The following SGPL1 variants were observed in gnomAD, a reference collection of about 807,000 sequenced individuals.
SGPL1 encodes the protein SP-lyase 1.
A neutral mutation model predicts 68.9 loss-of-function variants in SGPL1; 37 were observed. That is an observed-to-expected ratio of 0.54 (90% CI 0.41 to 0.71). SGPL1 has a LOEUF of 0.71. SGPL1 is among the 30% of genes least tolerant of loss of function. The probability of loss-of-function intolerance (pLI) is 0.00; values close to 1 mark genes in which losing one functional copy is unlikely to be tolerated. For missense variants in SGPL1, 551 were observed against 704.6 expected (o/e 0.78, Z 2.47); for synonymous variants, 236 against 248.5 (o/e 0.95, Z 0.47).
chr10:70,874,934 TTAGA>T (rs1047280117), intron 12 of SGPL1, among the ~76,000 whole-genome samples: 60 of 152,148 alleles, frequency 3.9e-4, no homozygotes, highest in African/African-American at 1.2e-3. Flanking sequence ...TAAATAAAAA[TTAGA>T]TATATATAAA....
chr10:70,870,936 G>T (rs991391083), intron 9 of SGPL1, 112 bp from the exon 10 acceptor site: 3 of 771,222 alleles, frequency 3.9e-6, no homozygotes, highest in South Asian at 3.1e-5. Flanking sequence ...TGAAGGAGGG[G>T]GTACTGGTGG....
At position 70,878,214 on chromosome 10, in the gene SGPL1, C is replaced by G. The variant is rs1419165403; in HGVS notation, c.*879C>G. ...TTTTCCAGGGCACAGATCGACCAAG[C>G]TGCCGTTCCCTATTCTGCAGGACAG... On this transcript the variant is annotated 3_prime_UTR_variant, in exon 15 of 15. Transcript: ENST00000373202. The G allele has an allele frequency of 6.6e-6, 1 of 152,330 alleles. No individual in the cohort carries two copies. Among genetic ancestry groups the G allele is most frequent in the Non-Finnish European group, 1.5e-5 (1 of 68,136 alleles). The allele number at this position is 152,330 out of a possible 1,614,324, so 9.4% of individuals were successfully genotyped here.
rs1052687046 is a variant in SGPL1 at position 70,876,474 on chromosome 10, G to A, written c.1446-67G>A. On this transcript the variant is annotated intron_variant, in intron 13 of 14. Coordinates refer to ENST00000373202, the MANE Select transcript of SGPL1 (RefSeq NM_003901.4). ...GCAACCAGGAAATTCCCGTATTTGG[G>A]GCTGCATCATTTTAGAACATTTTTT... 9.1e-6 allele frequency: 13 copies of A among 1,426,316 alleles called. No individual in the cohort carries two copies. In the African/African-American group the frequency reaches 1.6e-4, roughly 17 times the overall value. 88.4% of individuals were successfully genotyped at this position (1,426,316 alleles called of 1,614,324 possible).
intron 4 of SGPL1, 66 bp from the exon 5 acceptor site, chr10:70,854,642 A>C (rs1845933863): frequency 7.0e-7 from 1 of 1,431,048 alleles, no homozygotes; most frequent in Non-Finnish European, 9.5e-7. Flanking sequence ...CTTGACTGTC[A>C]TAATAATTCT....
chr10:70,861,606 C>T (rs771430107), intron 7 of SGPL1, among the ~76,000 whole-genome samples: 43 of 152,328 alleles, frequency 2.8e-4, no homozygotes, highest in Non-Finnish European at 4.4e-4. Flanking sequence ...TGGCCAAGGT[C>T]GGAGCCGGCT....
At chr10:70,851,943 TTG>T (rs1845888719) in intron 4 of SGPL1, among the ~76,000 whole-genome samples, 1 of 152,218 alleles carries the variant, frequency 6.6e-6, no homozygotes, top group African/African-American at 2.4e-5. Flanking sequence ...ATTTTCTGTA[TTG>T]TAGTATGTCC....
chr10:70,851,265 C>G lies in SGPL1; in HGVS notation c.261+55C>G, dbSNP rs981796429. The G allele has an allele frequency of 2.2e-6, 3 of 1,380,808 alleles. No individual in the cohort carries two copies. The African/African-American group carries it at 4.3e-5, about 20-fold the overall frequency. 85.5% of individuals were successfully genotyped at this position (1,380,808 alleles called of 1,614,324 possible). A position where few individuals can be genotyped will look rare whatever the true frequency, so the allele number is the denominator to read the frequency against. ...CCCCTCTTGATAATCATACCTCTTTCTTTCTATTTACTAAACCTAATATTC... is the reference window on the plus strand; with the variant it reads ...CCCCTCTTGATAATCATACCTCTTTGTTTCTATTTACTAAACCTAATATTC... On this transcript the variant is annotated intron_variant, in intron 4 of 14. Transcript: ENST00000373202.
intron 6 of SGPL1, among the ~76,000 whole-genome samples, chr10:70,858,523 T>C (rs750763386): frequency 6.6e-6 from 1 of 152,190 alleles, no homozygotes; most frequent in Non-Finnish European, 1.5e-5. Context: ...TTGATTATTA[T>C]AAATATGAAA....
chr10:70,873,653 A>T, intron 12 of SGPL1, 64 bp downstream of exon 12: 3 of 1,223,450 alleles, frequency 2.5e-6, no homozygotes, highest in Non-Finnish European at 3.6e-6. Flanking sequence ...GGCTCAAGGC[A>T]CCTGCCTGGC....
chr10:70,836,681 TC>T (rs1423919133), intron 2 of SGPL1, among the ~76,000 whole-genome samples: 1 of 152,168 alleles, frequency 6.6e-6, no homozygotes, highest in Non-Finnish European at 1.5e-5. Flanking sequence ...GCTCAAGTGA[TC>T]CTCCTACCTT....
intron 2 of SGPL1, among the ~76,000 whole-genome samples, chr10:70,827,400 G>A (rs1406632049): frequency 1.3e-5 from 2 of 152,072 alleles, no homozygotes; most frequent in African/African-American, 4.8e-5. Flanking sequence ...CTGTATATTT[G>A]CTGAGATTTT....
At position 70,875,524 on chromosome 10, in the gene SGPL1, T is replaced by G. The variant is rs745734830; in HGVS notation, c.1421T>G (p.Leu474Trp). The change falls in exon 13 of 15, where the codon TTG becomes TGG. Residue 474 changes from leucine (L) to tryptophan (W), a missense_variant. Physicochemically the swap from Leu to Trp is moderately conservative, Grantham distance 61 (BLOSUM62 -2). Transcript: ENST00000373202. ...CTGATGACTGCTAAGGGGTGGAACT[T>G]GAACCAGTTGCAGTTCCCACCCAGG... Reference protein sequence around the residue: ...SNLMTAKGWNLNQLQFPPSIH... With the variant: ...SNLMTAKGWNWNQLQFPPSIH... 1.2e-6 allele frequency: 2 copies of G among 1,611,686 alleles called. No individual in the cohort carries two copies. The highest frequency in any genetic ancestry group is 3.3e-5 in the Admixed American group (2 of 59,896).
At chr10:70,852,698 A>G (rs1015736744) in intron 4 of SGPL1, among the ~76,000 whole-genome samples, 2 of 134,862 alleles carry the variant, frequency 1.5e-5, no homozygotes, top group African/African-American at 2.9e-5. Context: ...AAAAAATTAC[A>G]TGTGTGTATG....
At chr10:70,838,600 A>G (rs1309680576) in intron 2 of SGPL1, among the ~76,000 whole-genome samples, 4 of 152,324 alleles carry the variant, frequency 2.6e-5, no homozygotes, top group South Asian at 2.1e-4. Flanking sequence ...GGAAAATAAC[A>G]TTAGTGTTAG....
At chr10:70,853,759 A>T (rs1462849656) in intron 4 of SGPL1, among the ~76,000 whole-genome samples, 2 of 152,246 alleles carry the variant, frequency 1.3e-5, no homozygotes, top group African/African-American at 4.8e-5. Context: ...TTGATAAACT[A>T]CCTAGCAGAA....
intron 2 of SGPL1, among the ~76,000 whole-genome samples, chr10:70,829,836 A>G (rs111439207): frequency 0.058 from 8,879 of 152,266 alleles, 305 homozygotes; most frequent in Non-Finnish European, 0.064. Context: ...GGAATACTCA[A>G]AGGTCACTGT....
intron 3 of SGPL1, among the ~76,000 whole-genome samples, chr10:70,846,795 GTTTATA>G (rs1230097178): frequency 6.6e-6 from 1 of 152,120 alleles, no homozygotes; most frequent in Non-Finnish European, 1.5e-5. Flanking sequence ...AATAAACATT[GTTTATA>G]TTTATCATGT....
chr10:70,837,394 A>G (rs1486722332), intron 2 of SGPL1, among the ~76,000 whole-genome samples: 1 of 152,160 alleles, frequency 6.6e-6, no homozygotes, highest in Non-Finnish European at 1.5e-5. Flanking sequence ...AAAAGTTAAT[A>G]CTTTTTAAGT....
At chr10:70,832,764 A>C (rs947250394) in intron 2 of SGPL1, among the ~76,000 whole-genome samples, 4 of 152,192 alleles carry the variant, frequency 2.6e-5, no homozygotes, top group Admixed American at 2.0e-4. Context: ...GCAAATTTGC[A>C]TATTTTTCCC....
Sources: gnomAD v4.1 joint callset for allele counts (sites outside exome capture counted in the v4.1 genomes callset) on GRCh38, gnomAD v4.1.1 for gene constraint, MANE v1.5 for transcripts, NCBI Gene and HGNC (gene_info 2026-07-23, HGNC 2026-07-21) for gene names.